Variants in GPR157 observed in about 807,000 individuals in gnomAD.
GPR157 encodes G protein-coupled receptor 157, also known as G-protein coupled receptor 157.
GPR157 carries 16 observed loss-of-function variants against 23.5 expected under a neutral mutation model. The ratio of observed to expected loss-of-function variants is 0.68; its 90% CI spans 0.46 to 1.04. The LOEUF is 1.04. Among genes scored for constraint, GPR157 ranks in the 50% least tolerant of loss-of-function variants. GPR157 has a pLI of 0.00. For missense variants in GPR157, 440 were observed against 460.7 expected (o/e 0.96, Z 0.41); for synonymous variants, 200 against 221.5 (o/e 0.90, Z 0.86).
At position 9,121,187 on chromosome 1, in the gene GPR157, C is replaced by T. The variant is rs150161256; in HGVS notation, c.383+7458G>A. Among the ~76,000 whole-genome samples the T allele has an allele frequency of 8.9e-3, 1,335 of 150,288 alleles. 38 individuals carry two copies. Among genetic ancestry groups the T allele is most frequent in the East Asian group, 0.058 (296 of 5,062 alleles). On this transcript the variant is annotated intron_variant, in intron 1 of 3. Coordinates refer to ENST00000377411, the MANE Select transcript of GPR157 (RefSeq NM_024980.5). ...GTCTTTACTAAAAATACAAAATTAGCCGGGAGTGGTGGCGCACGCCTGTGA... is the reference window on the plus strand; with the variant it reads ...GTCTTTACTAAAAATACAAAATTAGTCGGGAGTGGTGGCGCACGCCTGTGA...
chr1:9,127,786 G>A (rs140518105), intron 1 of GPR157, among the ~76,000 whole-genome samples: 2 of 152,320 alleles, frequency 1.3e-5, no homozygotes, highest in Non-Finnish European at 2.9e-5. Context: ...GGCAGTATCT[G>A]ATGCTCTGAT....
rs1291280773 is a variant in GPR157 at position 9,128,950 on chromosome 1, C to A, written c.78G>T (p.Ala26=). Residue 26 remains alanine (A), a synonymous_variant, in exon 1 of 4, where the codon GCG becomes GCT. Coordinates refer to ENST00000377411, the MANE Select transcript of GPR157 (RefSeq NM_024980.5). The surrounding 1 kb of genome is among the most constrained non-coding windows in gnomAD (Gnocchi z 6.3). ...AVVLLSCALS[A]LGSGLLVATH... Reference sequence around the variant, plus strand: ...TGGCCACCAGCAGGCCCGAGCCGAGCGCGGAGAGTGCGCACGACAGCAGCA... The same window carrying A: ...TGGCCACCAGCAGGCCCGAGCCGAGAGCGGAGAGTGCGCACGACAGCAGCA... 4 of 1,503,194 alleles carry A rather than the reference C, an allele frequency of 2.7e-6. No homozygotes were observed. In the Admixed American group the frequency reaches 6.5e-5, roughly 24 times the overall value. The allele number at this position is 1,503,194 out of a possible 1,614,324, so 93.1% of individuals were successfully genotyped here.
In GPR157 at chr1:9,100,757, G is replaced by C. The variant is rs536329575; in HGVS notation, c.*3662C>G. The C allele has an allele frequency of 6.6e-6, 1 of 152,368 alleles. No homozygotes were observed. Among genetic ancestry groups the C allele is most frequent in the East Asian group, 1.9e-4 (1 of 5,174 alleles). The allele number at this position is 152,368 out of a possible 1,614,324, so 9.4% of individuals were successfully genotyped here. On this transcript the variant is annotated 3_prime_UTR_variant, in exon 4 of 4. Transcript: ENST00000377411. ...AAGAAGCCCACTGGGGCTGTGCAAAGTGTCCAAGGAGCACAGCCCCTTTTG... is the reference window on the plus strand; with the variant it reads ...AAGAAGCCCACTGGGGCTGTGCAAACTGTCCAAGGAGCACAGCCCCTTTTG...
In GPR157 at chr1:9,104,271, C is replaced by A; in HGVS notation, c.*148G>T. 1 of 624,186 alleles carries A rather than the reference C, an allele frequency of 1.6e-6. No homozygotes were observed. Among genetic ancestry groups the A allele is most frequent in the Admixed American group, 2.9e-5 (1 of 34,034 alleles). The allele number at this position is 624,186 out of a possible 1,614,324, so 38.7% of individuals were successfully genotyped here. On this transcript the variant is annotated 3_prime_UTR_variant, in exon 4 of 4. Transcript: ENST00000377411. ...TAGGAGGTAGAAGAAGCTGAGTTGGCAGCTGCTCTCCCAATGGAGCCGAGA... is the reference window on the plus strand; with the variant it reads ...TAGGAGGTAGAAGAAGCTGAGTTGGAAGCTGCTCTCCCAATGGAGCCGAGA...
At chr1:9,108,179 C>G (rs759032596) in intron 2 of GPR157, among the ~76,000 whole-genome samples, 10 of 152,188 alleles carry the variant, frequency 6.6e-5, no homozygotes, top group Non-Finnish European at 1.3e-4. Flanking sequence ...CTGCCAGCAC[C>G]TGGTGTCTTG....
intron 2 of GPR157, among the ~76,000 whole-genome samples, chr1:9,107,705 T>A (rs1638374957): frequency 6.6e-6 from 1 of 152,120 alleles, no homozygotes; most frequent in Non-Finnish European, 1.5e-5. Context: ...ATGGTCTGGA[T>A]CACTTGAGGC....
intron 2 of GPR157, among the ~76,000 whole-genome samples, chr1:9,108,848 C>T (rs1010031491): frequency 1.5e-4 from 23 of 151,708 alleles, no homozygotes; most frequent in African/African-American, 4.6e-4. Flanking sequence ...TGCAGTGGCG[C>T]GATCTCAGCT....
At position 9,128,872 on chromosome 1, in the gene GPR157, G is replaced by T; in HGVS notation, c.156C>A (p.Phe52Leu). The stretch of plus-strand genomic sequence containing the variant: ...CCGAGAGCAGGTCGGCCAGCGACAG[G>T]AAGAGCAGCAGGCGCCGTGCCCGGC... ...LRSRARRLLL[F>L]LSLADLLSAA... The change falls in exon 1 of 4, where the codon TTC becomes TTA. Residue 52 changes from phenylalanine (F) to leucine (L), a missense_variant. Coordinates refer to ENST00000377411, the MANE Select transcript of GPR157 (RefSeq NM_024980.5). The surrounding 1 kb of genome is among the most constrained non-coding windows in gnomAD (Gnocchi z 6.3). 5 of 1,574,568 alleles carry T rather than the reference G, an allele frequency of 3.2e-6. No individual in the cohort carries two copies. Among genetic ancestry groups the T allele is most frequent in the Non-Finnish European group, 4.3e-6 (5 of 1,161,346 alleles).
In GPR157 at chr1:9,104,177, C is replaced by A. The variant is rs1642604599; in HGVS notation, c.*242G>T. 1.9e-6 allele frequency: 1 copy of A among 535,936 alleles called. No individual in the cohort carries two copies. The highest frequency in any genetic ancestry group is 3.1e-5 in the East Asian group (1 of 31,820). 33.2% of individuals were successfully genotyped at this position (535,936 alleles called of 1,614,324 possible). ...CCGGCTTCCCGAATCTCACTGCTACCCTTATGCAGATGAACGCCCACCCGT... is the reference window on the plus strand; with the variant it reads ...CCGGCTTCCCGAATCTCACTGCTACACTTATGCAGATGAACGCCCACCCGT... On this transcript the variant is annotated 3_prime_UTR_variant, in exon 4 of 4. Coordinates refer to ENST00000377411, the MANE Select transcript of GPR157 (RefSeq NM_024980.5).
chr1:9,105,137 C>A lies in GPR157; in HGVS notation c.792+349G>T, dbSNP rs1638261901. On this transcript the variant is annotated intron_variant, in intron 3 of 3. Coordinates refer to ENST00000377411, the MANE Select transcript of GPR157 (RefSeq NM_024980.5). This position sits in a 1 kb window ranked among gnomAD's most constrained non-coding sequence, Gnocchi z 4.8. Reference sequence around the variant, plus strand: ...GAAGTGCTGTGTACCCCAGAACCTCCCCCCATCCTCCCCGCCATGGCTGAT... The same window carrying A: ...GAAGTGCTGTGTACCCCAGAACCTCACCCCATCCTCCCCGCCATGGCTGAT... Among the ~76,000 whole-genome samples, 1 of 151,974 alleles carries A rather than the reference C, an allele frequency of 6.6e-6. No individual in the cohort carries two copies. Among genetic ancestry groups the A allele is most frequent in the Admixed American group, 6.6e-5 (1 of 15,254 alleles).
Position 9,128,586 on chromosome 1 carries a change from AC to A in GPR157, c.383+58del. 1 of 1,538,178 alleles carries A rather than the reference AC, an allele frequency of 6.5e-7. No homozygotes were observed. Among genetic ancestry groups the A allele is most frequent in the South Asian group, 1.1e-5 (1 of 87,944 alleles). ...TAGACGCGGCCTCTGGGAGGGCAAG[AC>A]CGGGAGGGGTCGGCCTGTGTCGGGG... On this transcript the variant is annotated intron_variant, in intron 1 of 3. Transcript: ENST00000377411. This position sits in a 1 kb window ranked among gnomAD's most constrained non-coding sequence, Gnocchi z 6.3.
At chr1:9,106,384 T>A (rs565534075) in intron 2 of GPR157, among the ~76,000 whole-genome samples, 9 of 151,540 alleles carry the variant, frequency 5.9e-5, no homozygotes, top group African/African-American at 2.2e-4. Flanking sequence ...AAAACCCGAG[T>A]CTGCTCCAGT....
chr1:9,117,761 C>CA (rs571591398), intron 1 of GPR157, among the ~76,000 whole-genome samples: 2 of 150,614 alleles, frequency 1.3e-5, no homozygotes, highest in African/African-American at 2.4e-5. Flanking sequence ...GACTCCGTCT[C>CA]AAAAAAAAGC....
intron 1 of GPR157, among the ~76,000 whole-genome samples, chr1:9,123,261 AATATATATAT>A (rs1638850971): frequency 5.9e-4 from 16 of 26,900 alleles, no homozygotes; most frequent in Non-Finnish European, 7.0e-4. Flanking sequence ...TATATATTTA[AATATATATAT>A]TTAAATATAT....
chr1:9,128,506 A>G lies in GPR157; in HGVS notation c.383+139T>C, dbSNP rs774729053. 4.9e-6 allele frequency: 4 copies of G among 819,432 alleles called. No individual in the cohort carries two copies. Among genetic ancestry groups the G allele is most frequent in the Non-Finnish European group, 7.9e-6 (4 of 504,028 alleles). The allele number at this position is 819,432 out of a possible 1,614,324, so 50.8% of individuals were successfully genotyped here. A position where few individuals can be genotyped will look rare whatever the true frequency, so the allele number is the denominator to read the frequency against. ...GCTGGCCTCCTCCCGCTGGCCCAGG[A>G]CAGCCTCGGGGGCGCCAGCAGGCAC... On this transcript the variant is annotated intron_variant, in intron 1 of 3. Transcript: ENST00000377411. This position sits in a 1 kb window ranked among gnomAD's most constrained non-coding sequence, Gnocchi z 6.3.
chr1:9,111,680 G>A (rs891882383), intron 1 of GPR157, among the ~76,000 whole-genome samples, 191 bp from the exon 2 acceptor site: 8 of 152,188 alleles, frequency 5.3e-5, no homozygotes, highest in Non-Finnish European at 8.8e-5. Context: ...AGAATTCTTC[G>A]GGGACTGGCA....
At chr1:9,125,543 T>G (rs927262173) in intron 1 of GPR157, among the ~76,000 whole-genome samples, 1 of 152,224 alleles carries the variant, frequency 6.6e-6, no homozygotes, top group Non-Finnish European at 1.5e-5. Flanking sequence ...TGGGAACTTG[T>G]GCACGTGCAG....
chr1:9,123,688 T>TAATATATATTTAATATTAAATATATATTA (rs1557701298), intron 1 of GPR157, among the ~76,000 whole-genome samples: 1 of 113,174 alleles, frequency 8.8e-6, no homozygotes, highest in African/African-American at 3.7e-5. Context: ...AATATATATT[T>TAATATATATTTAATATTAAATATATATTA]AATATATATT....
In GPR157 at chr1:9,123,261, A is replaced by AATAT. The variant is rs371897260; in HGVS notation, c.383+5380_383+5383dup. On this transcript the variant is annotated intron_variant, in intron 1 of 3. Coordinates refer to ENST00000377411, the MANE Select transcript of GPR157 (RefSeq NM_024980.5). ...ATATATTAATTTAAATATATATTTA[A>AATAT]ATATATATATTTAAATATATATTTA... 1.4e-3 allele frequency among the ~76,000 whole-genome samples: 37 copies of AATAT among 26,938 alleles called. 3 individuals carry two copies. The highest frequency in any genetic ancestry group is 4.4e-3 in the African/African-American group (33 of 7,558). The allele number at this position is 26,938 out of a possible 152,430, so 17.7% of individuals were successfully genotyped here. A position where few individuals can be genotyped will look rare whatever the true frequency, so the allele number is the denominator to read the frequency against.
Sources: gnomAD v4.1 joint callset for allele counts (sites outside exome capture counted in the v4.1 genomes callset) on GRCh38, gnomAD v4.1.1 for gene constraint, Gnocchi (gnomAD v3.1) non-coding constraint, MANE v1.5 for transcripts, NCBI Gene and HGNC (gene_info 2026-07-23, HGNC 2026-07-21) for gene names.